The following AP4S1 variants were observed in gnomAD, a reference collection of about 807,000 sequenced individuals.
The protein encoded by AP4S1 is adaptor related protein complex 4 subunit sigma 1, also known as AP-4 complex subunit sigma-1.
A neutral mutation model predicts 19.8 loss-of-function variants in AP4S1; 23 were observed. That is an observed-to-expected ratio of 1.16 (90% CI 0.84 to 1.65). The LOEUF (loss-of-function observed/expected upper bound fraction) is 1.65. AP4S1 is among the 40% of genes most tolerant of loss of function. The pLI is 0.00. For missense variants in AP4S1, 166 were observed against 172.8 expected (o/e 0.96, Z 0.22); for synonymous variants, 46 against 54.1 (o/e 0.85, Z 0.66).
intron 1 of AP4S1, among the ~76,000 whole-genome samples, chr14:31,033,405 G>A (rs560405106): frequency 6.6e-6 from 1 of 152,192 alleles, no homozygotes; most frequent in South Asian, 2.1e-4. Flanking sequence ...GTAGAGACAG[G>A]GTTTTACCAT....
At chr14:31,079,948 T>C (rs1435078111) in intron 4 of AP4S1, among the ~76,000 whole-genome samples, 1 of 152,334 alleles carries the variant, frequency 6.6e-6, no homozygotes, top group East Asian at 1.9e-4. Context: ...TTTCTATGTC[T>C]GTCTGTAGCT....
In AP4S1 at chr14:31,045,711, G is replaced by A. The variant is rs1279582447; in HGVS notation, c.-72+19924G>A. Among the ~76,000 whole-genome samples the A allele has an allele frequency of 2.0e-5, 3 of 152,134 alleles. No individual in the cohort carries two copies. The East Asian group carries it at 5.8e-4, about 29-fold the overall frequency. On this transcript the variant is annotated intron_variant, in intron 1 of 5. Transcript: ENST00000542754. ...TGTGGTATAATATGAAATATATTTG[G>A]CCTTTGTTCCTGATTCCTGTGACAA...
At chr14:31,025,876 C>T (rs1456824923) in intron 1 of AP4S1, 89 bp downstream of exon 1, 1 of 1,587,804 alleles carries the variant, frequency 6.3e-7, no homozygotes, top group Admixed American at 1.8e-5. Flanking sequence ...GCCGCCGCAG[C>T]TCCCGCACAC....
chr14:31,078,835 C>T lies in AP4S1; in HGVS notation c.295-1738C>T, dbSNP rs1378572032. ...GACTTGGCTTAGGATCAAACCATAGCAAAAAGAAGAAGAGGAAGAGGGAAA... is the reference window on the plus strand; with the variant it reads ...GACTTGGCTTAGGATCAAACCATAGTAAAAAGAAGAAGAGGAAGAGGGAAA... On this transcript the variant is annotated intron_variant, in intron 4 of 5. Transcript: ENST00000542754. Among the ~76,000 whole-genome samples the T allele has an allele frequency of 2.0e-5, 3 of 152,046 alleles. No homozygotes were observed. In the East Asian group the frequency reaches 5.8e-4, roughly 29 times the overall value.
chr14:31,049,188 T>A (rs8020210), intron 1 of AP4S1, among the ~76,000 whole-genome samples: 6 of 151,418 alleles, frequency 4.0e-5, no homozygotes, highest in Non-Finnish European at 8.8e-5. Context: ...TCGAGGCGGG[T>A]GGATCATGAG....
chr14:31,066,826 A>G (rs1886742791), intron 2 of AP4S1, among the ~76,000 whole-genome samples: 1 of 152,226 alleles, frequency 6.6e-6, no homozygotes, highest in African/African-American at 2.4e-5. Flanking sequence ...TTGTAAATAT[A>G]CCACCAATAT....
intron 1 of AP4S1, among the ~76,000 whole-genome samples, chr14:31,032,473 G>A (rs867536870): frequency 6.6e-5 from 10 of 151,724 alleles, no homozygotes; most frequent in African/African-American, 2.2e-4. Context: ...AGTGTTGACC[G>A]GGCCTCTGAG....
intron 5 of AP4S1, among the ~76,000 whole-genome samples, chr14:31,089,707 G>A (rs868765370): frequency 2.8e-4 from 42 of 152,288 alleles, no homozygotes; most frequent in Admixed American, 9.2e-4. Context: ...TTGAGGTCAG[G>A]AGTTATAGAG....
intron 1 of AP4S1, among the ~76,000 whole-genome samples, chr14:31,035,354 C>G (rs567845689): frequency 6.8e-6 from 1 of 147,524 alleles, no homozygotes; most frequent in East Asian, 2.0e-4. Context: ...GCCGCCACAC[C>G]CAGCTAATTT....
At chr14:31,073,104 G>A in intron 4 of AP4S1, 131 bp downstream of exon 4, 1 of 785,788 alleles carries the variant, frequency 1.3e-6, no homozygotes, top group East Asian at 2.7e-5. Flanking sequence ...CTTAAGTGAT[G>A]CCAAATTTTC....
At chr14:31,084,788 C>G (rs1887841983) in intron 5 of AP4S1, 1 of 1,614,052 alleles carries the variant, frequency 6.2e-7, no homozygotes, top group Non-Finnish European at 8.5e-7. Context: ...GATGAACTTC[C>G]CAAAATATGC....
At chr14:31,029,606 C>A (rs1433236068) in intron 1 of AP4S1, among the ~76,000 whole-genome samples, 1 of 152,088 alleles carries the variant, frequency 6.6e-6, no homozygotes, top group African/African-American at 2.4e-5. Flanking sequence ...TGGCTTAAGC[C>A]TAGGAATTCG....
intron 4 of AP4S1, among the ~76,000 whole-genome samples, chr14:31,073,376 G>A (rs1184241034): frequency 1.5e-5 from 2 of 133,408 alleles, no homozygotes; most frequent in Non-Finnish European, 3.3e-5. Context: ...TGTAGTCCCA[G>A]CTACTCCGGA....
intron 1 of AP4S1, among the ~76,000 whole-genome samples, chr14:31,035,943 G>A (rs1226091837): frequency 6.6e-6 from 1 of 151,970 alleles, no homozygotes; most frequent in Non-Finnish European, 1.5e-5. Flanking sequence ...TGTTAGCCAG[G>A]ATGGTCTCGA....
rs1883808598 is a variant in AP4S1, at chr14:31,025,672, C to G, written c.-187C>G. ...ATACTAAAAGCCAAAATGGCTGCCC[C>G]GAGGAGGCCCGCACCGCGTAGCCAG... On this transcript the variant is annotated 5_prime_UTR_variant, in exon 1 of 6. Coordinates refer to ENST00000542754, the MANE Select transcript of AP4S1 (RefSeq NM_001128126.3). 1 of 654,014 alleles carries G rather than the reference C, an allele frequency of 1.5e-6. No homozygotes were observed. Among genetic ancestry groups the G allele is most frequent in the Non-Finnish European group, 2.5e-6 (1 of 401,306 alleles). The allele number at this position is 654,014 out of a possible 1,614,324, so 40.5% of individuals were successfully genotyped here.
intron 5 of AP4S1, among the ~76,000 whole-genome samples, chr14:31,089,406 A>T (rs1051153391): frequency 1.6e-4 from 25 of 152,040 alleles, no homozygotes; most frequent in Admixed American, 2.6e-4. Context: ...AATATTTTTT[A>T]AAAAAAGAAA....
chr14:31,041,265 A>G (rs991257199), intron 1 of AP4S1, among the ~76,000 whole-genome samples: 8 of 151,708 alleles, frequency 5.3e-5, no homozygotes, highest in Non-Finnish European at 8.8e-5. Context: ...TTCTCCTGCC[A>G]CAGCCTCCCT....
intron 5 of AP4S1, among the ~76,000 whole-genome samples, chr14:31,087,066 T>A (rs1396513594): frequency 1.3e-5 from 2 of 152,068 alleles, no homozygotes; most frequent in African/African-American, 4.8e-5. Context: ...CTGGCTAATT[T>A]AAAAAAATTT....
intron 1 of AP4S1, among the ~76,000 whole-genome samples, chr14:31,039,567 G>GTT (rs139275978): frequency 0.26 from 36,782 of 143,028 alleles, 5,039 homozygotes; most frequent in South Asian, 0.32. Flanking sequence ...AATAGGTGTA[G>GTT]TTTTGTTTTT....
Sources: gnomAD v4.1 joint callset for allele counts (sites outside exome capture counted in the v4.1 genomes callset) on GRCh38, gnomAD v4.1.1 for gene constraint, MANE v1.5 for transcripts, NCBI Gene and HGNC (gene_info 2026-07-23, HGNC 2026-07-21) for gene names.